The following KBTBD12 variants were observed in gnomAD, a reference collection of about 807,000 sequenced individuals.
KBTBD12 encodes the protein kelch repeat and BTB domain containing 12.
In KBTBD12, 53 loss-of-function variants were observed where a neutral mutation model predicts 58.7. The ratio of observed to expected loss-of-function variants is 0.90; its 90% confidence interval spans 0.72 to 1.14. The LOEUF (loss-of-function observed/expected upper bound fraction) is 1.14, where lower values mean the gene tolerates loss of function less well. Among genes scored for constraint, KBTBD12 ranks in the 50% most tolerant of loss-of-function variants. The pLI is 0.00. For synonymous variants in KBTBD12, 236 were observed against 259.8 expected (o/e 0.91, Z 0.88); for missense variants, 704 against 751.3 (o/e 0.94, Z 0.74).
intron 4 of KBTBD12, among the ~76,000 whole-genome samples, chr3:127,942,022 G>C (rs565621853): frequency 6.6e-6 from 1 of 152,222 alleles, no homozygotes; most frequent in South Asian, 2.1e-4. Context: ...GAAAGATAAA[G>C]TTGTGCAGAA....
intron 4 of KBTBD12, among the ~76,000 whole-genome samples, chr3:127,946,884 C>T (rs1940095294): frequency 6.6e-6 from 1 of 152,290 alleles, no homozygotes; most frequent in African/African-American, 2.4e-5. Flanking sequence ...CTTATCCTGT[C>T]TTCCGTTGTA....
chr3:127,916,697 A>G (rs35318798), intron 1 of KBTBD12, among the ~76,000 whole-genome samples: 3,709 of 150,272 alleles, frequency 0.025, 64 homozygotes, highest in Non-Finnish European at 0.037. Context: ...CAAAAACAAA[A>G]CAAAAAGCAA....
chr3:127,950,988 C>G (rs1327483434), intron 4 of KBTBD12, among the ~76,000 whole-genome samples: 1 of 152,082 alleles, frequency 6.6e-6, no homozygotes, highest in Non-Finnish European at 1.5e-5. Context: ...AAGATCGCAC[C>G]ATGCACTCTA....
At chr3:127,943,565 G>C (rs1222507206) in intron 4 of KBTBD12, among the ~76,000 whole-genome samples, 1 of 151,806 alleles carries the variant, frequency 6.6e-6, no homozygotes, top group Non-Finnish European at 1.5e-5. Flanking sequence ...CTATTGAGTT[G>C]TGTGAGTTCC....
chr3:127,931,610 G>A (rs1206513677), intron 4 of KBTBD12, among the ~76,000 whole-genome samples: 1 of 152,140 alleles, frequency 6.6e-6, no homozygotes, highest in Admixed American at 6.6e-5. Context: ...CCACAACGAG[G>A]CTAGATGTGG....
chr3:127,975,644 C>A (rs953831641), intron 5 of KBTBD12, among the ~76,000 whole-genome samples: 5 of 152,206 alleles, frequency 3.3e-5, no homozygotes, highest in African/African-American at 9.6e-5. Flanking sequence ...AGTCTCCATG[C>A]TCTGTGCTAA....
chr3:127,968,045 T>C (rs1035289894), intron 5 of KBTBD12, among the ~76,000 whole-genome samples: 1 of 152,196 alleles, frequency 6.6e-6, no homozygotes, highest in African/African-American at 2.4e-5. Flanking sequence ...ACCCATTGAT[T>C]GTACAGGTCT....
intron 4 of KBTBD12, among the ~76,000 whole-genome samples, chr3:127,962,906 G>A (rs1940474843): frequency 6.6e-6 from 1 of 152,172 alleles, no homozygotes. Context: ...CTCATGATGT[G>A]AACCAGCATT....
chr3:127,960,674 G>A (rs112624620), intron 4 of KBTBD12, among the ~76,000 whole-genome samples: 3 of 152,338 alleles, frequency 2.0e-5, no homozygotes, highest in African/African-American at 7.2e-5. Context: ...TGCTAATAGA[G>A]TGTACTTGAT....
At chr3:127,946,754 T>C (rs187864657) in intron 4 of KBTBD12, among the ~76,000 whole-genome samples, 82 of 152,316 alleles carry the variant, frequency 5.4e-4, no homozygotes, top group Middle Eastern at 3.4e-3. Context: ...AGATGCTCAT[T>C]TTCTGTACAC....
At chr3:127,927,341 A>G (rs1559761336) in intron 2 of KBTBD12, among the ~76,000 whole-genome samples, 1 of 152,064 alleles carries the variant, frequency 6.6e-6, no homozygotes, top group Non-Finnish European at 1.5e-5. Context: ...TAAAACTGTG[A>G]TTTCTTTAAT....
chr3:127,948,679 G>A (rs1015129787), intron 4 of KBTBD12, among the ~76,000 whole-genome samples: 6 of 152,136 alleles, frequency 3.9e-5, no homozygotes, highest in African/African-American at 1.2e-4. Context: ...CTGGTGTACC[G>A]GGAAAGCCTC....
Position 127,987,371 on chromosome 3 carries a change from G to A in KBTBD12, c.*3093G>A, listed in dbSNP as rs544326540. The A allele has an allele frequency of 7.2e-5, 11 of 152,174 alleles. No homozygotes were observed. The highest frequency in any genetic ancestry group is 5.9e-4 in the Admixed American group (9 of 15,280). 9.4% of individuals were successfully genotyped at this position (152,174 alleles called of 1,614,324 possible). On this transcript the variant is annotated 3_prime_UTR_variant, in exon 6 of 6. Coordinates refer to ENST00000405109, the MANE Select transcript of KBTBD12 (RefSeq NM_207335.4). Reference sequence around the variant, plus strand: ...CAGATATCGTTAGAAATTCAACTTCGAAATATATTCCTATCACTCCTGTTT... The same window carrying A: ...CAGATATCGTTAGAAATTCAACTTCAAAATATATTCCTATCACTCCTGTTT...
At chr3:127,957,774 A>G (rs1376137006) in intron 4 of KBTBD12, among the ~76,000 whole-genome samples, 2 of 152,238 alleles carry the variant, frequency 1.3e-5, no homozygotes, top group Non-Finnish European at 2.9e-5. Context: ...TGTTGGGGAT[A>G]CAGATGTGAT....
intron 4 of KBTBD12, among the ~76,000 whole-genome samples, chr3:127,955,740 G>T (rs1308260133): frequency 2.0e-5 from 3 of 152,154 alleles, no homozygotes; most frequent in Non-Finnish European, 4.4e-5. Flanking sequence ...CATATTAATG[G>T]ACATATTATA....
At chr3:127,958,485 C>T (rs1379799891) in intron 4 of KBTBD12, among the ~76,000 whole-genome samples, 1 of 152,150 alleles carries the variant, frequency 6.6e-6, no homozygotes, top group African/African-American at 2.4e-5. Context: ...AAGGCCCAGA[C>T]TCGACTGAAA....
At chr3:127,979,500 G>T (rs1435694745) in intron 5 of KBTBD12, among the ~76,000 whole-genome samples, 1 of 152,196 alleles carries the variant, frequency 6.6e-6, no homozygotes, top group African/African-American at 2.4e-5. Flanking sequence ...GAACTGAGCT[G>T]CCCAACACAA....
chr3:127,961,398 C>T (rs557966645), intron 4 of KBTBD12, among the ~76,000 whole-genome samples: 3 of 152,232 alleles, frequency 2.0e-5, no homozygotes, highest in East Asian at 3.9e-4. Context: ...TTTATCCAGT[C>T]GGATAAGAGA....
chr3:127,925,785 C>T (rs147358681), intron 2 of KBTBD12, among the ~76,000 whole-genome samples: 2 of 152,248 alleles, frequency 1.3e-5, no homozygotes, highest in African/African-American at 4.8e-5. Flanking sequence ...ATGAGACTTC[C>T]AGCTGATGTT....
Sources: allele counts gnomAD v4.1 joint callset (sites outside exome capture counted in the v4.1 genomes callset), GRCh38; gene constraint gnomAD v4.1.1; transcripts MANE v1.5; gene names NCBI Gene and HGNC (gene_info 2026-07-23, HGNC 2026-07-21).